Variants in CAPZA1 observed in about 807,000 individuals in gnomAD.
CAPZA1 encodes F-actin-capping protein subunit alpha-1.
A neutral mutation model predicts 40.8 loss-of-function variants in CAPZA1; 10 were observed. That is an observed-to-expected ratio of 0.25 (90% CI 0.15 to 0.42). The LOEUF (loss-of-function observed/expected upper bound fraction) is 0.42. Among genes scored for constraint, CAPZA1 ranks in the 10% least tolerant of loss-of-function variants. The probability of loss-of-function intolerance (pLI) is 1.00; values close to 1 mark genes in which losing one functional copy is unlikely to be tolerated. For synonymous variants in CAPZA1, 98 were observed against 115.0 expected, an observed-to-expected ratio of 0.85 and a Z score of 0.95; for missense variants, 277 against 353.8, an observed-to-expected ratio of 0.78 and a Z score of 1.74.
At chr1:112,642,451 G>C (rs1412781218) in intron 1 of CAPZA1, among the ~76,000 whole-genome samples, 1 of 151,690 alleles carries the variant, frequency 6.6e-6, no homozygotes, top group Non-Finnish European at 1.5e-5. Flanking sequence ...TCCTGACCTC[G>C]TGATCTGCCC....
chr1:112,629,318 G>T (rs1194449893), intron 1 of CAPZA1, among the ~76,000 whole-genome samples: 6 of 152,066 alleles, frequency 3.9e-5, no homozygotes, highest in African/African-American at 1.2e-4. Context: ...GCTTTCTCTG[G>T]TTATTCTGTC....
intron 3 of CAPZA1, among the ~76,000 whole-genome samples, chr1:112,651,009 A>G (rs969156984): frequency 4.6e-5 from 7 of 152,238 alleles, no homozygotes; most frequent in African/African-American, 1.7e-4. Flanking sequence ...TAGAGAAGAA[A>G]AATTCAGTTT....
intron 7 of CAPZA1, among the ~76,000 whole-genome samples, chr1:112,665,469 C>T (rs1307019143): frequency 8.6e-5 from 13 of 152,034 alleles, no homozygotes; most frequent in Admixed American, 2.0e-4. Context: ...CATAAACCAC[C>T]GCGCCCGGCC....
At chr1:112,627,627 ACT>A (rs1670837897) in intron 1 of CAPZA1, among the ~76,000 whole-genome samples, 1 of 90,406 alleles carries the variant, frequency 1.1e-5, no homozygotes, top group African/African-American at 4.6e-5. Context: ...ACAGTGCGAG[ACT>A]CTGTCTCAAA....
intron 4 of CAPZA1, among the ~76,000 whole-genome samples, chr1:112,654,246 TG>T (rs967305152): frequency 3.0e-4 from 46 of 152,254 alleles, no homozygotes; most frequent in African/African-American, 1.1e-3. Flanking sequence ...AACCAAGAAA[TG>T]AATATTATTA....
At chr1:112,623,153 G>A (rs1670718792) in intron 1 of CAPZA1, among the ~76,000 whole-genome samples, 1 of 152,124 alleles carries the variant, frequency 6.6e-6, no homozygotes, top group South Asian at 2.1e-4. Context: ...CCAAAGTGCC[G>A]AGATTGCAGG....
Position 112,649,482 on chromosome 1 carries a change from C to T in CAPZA1, c.155+13C>T, listed in dbSNP as rs377276486. On this transcript the variant is annotated intron_variant, in intron 3 of 9. Coordinates refer to ENST00000263168, the MANE Select transcript of CAPZA1 (RefSeq NM_006135.3). ...AAGGGGCAGCACAGTAAGTATCTTT[C>T]CAAATCCACTTAGAATGTTACTCTA... 13 of 1,595,192 alleles carry T rather than the reference C, an allele frequency of 8.1e-6. No individual in the cohort carries two copies. The African/African-American group carries it at 1.6e-4, about 20-fold the overall frequency.
chr1:112,632,582 G>A (rs1670942328), intron 1 of CAPZA1, among the ~76,000 whole-genome samples: 1 of 152,074 alleles, frequency 6.6e-6, no homozygotes, highest in Admixed American at 6.6e-5. Context: ...GGGAGGCGGG[G>A]TGGGGTGTCA....
At chr1:112,630,823 A>G (rs976582998) in intron 1 of CAPZA1, among the ~76,000 whole-genome samples, 1 of 152,200 alleles carries the variant, frequency 6.6e-6, no homozygotes, top group African/African-American at 2.4e-5. Flanking sequence ...GAGGGCTATT[A>G]TTTGTATAAA....
chr1:112,663,934 C>T (rs1671668529), intron 7 of CAPZA1, among the ~76,000 whole-genome samples: 2 of 151,812 alleles, frequency 1.3e-5, no homozygotes, highest in South Asian at 2.2e-4. Context: ...GCTGTTTGTC[C>T]TCATTCAAGA....
chr1:112,663,037 T>G (rs1365105189), intron 7 of CAPZA1, among the ~76,000 whole-genome samples: 1 of 152,190 alleles, frequency 6.6e-6, no homozygotes, highest in Non-Finnish European at 1.5e-5. Flanking sequence ...CGACCTTGGC[T>G]CATTGCAACG....
chr1:112,643,456 C>T (rs527416620), intron 1 of CAPZA1, among the ~76,000 whole-genome samples: 94 of 152,252 alleles, frequency 6.2e-4, no homozygotes, highest in African/African-American at 2.2e-3. Flanking sequence ...ATTTTTGTGG[C>T]GTGAATTCCT....
chr1:112,626,906 C>T (rs1311508580), intron 1 of CAPZA1, among the ~76,000 whole-genome samples: 1 of 152,214 alleles, frequency 6.6e-6, no homozygotes, highest in Non-Finnish European at 1.5e-5. Flanking sequence ...AACAAGAAAA[C>T]AGCATAATGG....
intron 1 of CAPZA1, among the ~76,000 whole-genome samples, chr1:112,626,697 C>T (rs1670814849): frequency 6.6e-6 from 1 of 152,144 alleles, no homozygotes; most frequent in Non-Finnish European, 1.5e-5. Context: ...TATCTCTCTG[C>T]CTCAGGCCTC....
At chr1:112,664,307 A>G (rs1241121263) in intron 7 of CAPZA1, among the ~76,000 whole-genome samples, 3 of 152,038 alleles carry the variant, frequency 2.0e-5, no homozygotes, top group Non-Finnish European at 2.9e-5. Flanking sequence ...TATCCAGGAA[A>G]GTCTTTTTGT....
intron 7 of CAPZA1, among the ~76,000 whole-genome samples, chr1:112,664,103 G>A (rs544416039): frequency 1.3e-5 from 2 of 152,076 alleles, no homozygotes; most frequent in Non-Finnish European, 2.9e-5. Flanking sequence ...ATGGTGGCAC[G>A]CACCTGTAGT....
intron 7 of CAPZA1, among the ~76,000 whole-genome samples, chr1:112,664,809 C>G (rs1671692279): frequency 6.6e-6 from 1 of 152,114 alleles, no homozygotes. Flanking sequence ...GTTGCGGGTG[C>G]CTGTAATCCC....
chr1:112,665,455 C>T (rs1671707159), intron 7 of CAPZA1, among the ~76,000 whole-genome samples: 2 of 152,104 alleles, frequency 1.3e-5, no homozygotes, highest in Admixed American at 6.5e-5. Context: ...GCTAGGATTA[C>T]AGGCATAAAC....
intron 1 of CAPZA1, among the ~76,000 whole-genome samples, chr1:112,624,115 T>G (rs895817623): frequency 6.6e-6 from 1 of 152,136 alleles, no homozygotes; most frequent in African/African-American, 2.4e-5. Context: ...TAGTACTGAT[T>G]TATCATAATT....
Sources: allele counts gnomAD v4.1 joint callset (sites outside exome capture counted in the v4.1 genomes callset), GRCh38; gene constraint gnomAD v4.1.1; transcripts MANE v1.5; gene names NCBI Gene and HGNC (gene_info 2026-07-23, HGNC 2026-07-21).